P4HA3: variants seen among roughly 807,000 people sequenced by gnomAD.
P4HA3 encodes prolyl 4-hydroxylase subunit alpha 3.
A neutral mutation model predicts 66.7 loss-of-function variants in P4HA3; 60 were observed. The observed-to-expected ratio is 0.90, with a 90% CI of 0.73 to 1.12. The LOEUF (loss-of-function observed/expected upper bound fraction) is 1.12, where lower values mean the gene tolerates loss of function less well. Among genes scored for constraint, P4HA3 ranks in the 50% most tolerant of loss-of-function variants. P4HA3 has a pLI of 0.00. For synonymous variants in P4HA3, 263 were observed against 274.6 expected, an observed-to-expected ratio of 0.96 and a Z score of 0.42; for missense variants, 683 against 685.8, an observed-to-expected ratio of 1.00 and a Z score of 0.05.
chr11:74,260,975 G>A (rs960258574), intron 14 of P4HA3, among the ~76,000 whole-genome samples: 1 of 152,144 alleles, frequency 6.6e-6, no homozygotes, highest in East Asian at 1.9e-4. Flanking sequence ...CATGGCCAGC[G>A]ATGCCCCCTG....
intron 9 of P4HA3, among the ~76,000 whole-genome samples, 189 bp from the exon 10 acceptor site, chr11:74,273,796 A>C (rs954943647): frequency 5.9e-5 from 9 of 151,892 alleles, no homozygotes; most frequent in African/African-American, 1.9e-4. Flanking sequence ...TTTTTTTACT[A>C]ATTTATTAGA....
At chr11:74,309,995 C>T (rs938482609) in intron 1 of P4HA3, among the ~76,000 whole-genome samples, 1 of 152,226 alleles carries the variant, frequency 6.6e-6, no homozygotes, top group African/African-American at 2.4e-5. Flanking sequence ...CCCCATTCCA[C>T]ATACCTTCTT....
chr11:74,257,802 A>G (rs1305437456), intron 15 of P4HA3, among the ~76,000 whole-genome samples: 1 of 152,136 alleles, frequency 6.6e-6, no homozygotes, highest in Non-Finnish European at 1.5e-5. Flanking sequence ...GGGCAAGGAA[A>G]AGACACAGGT....
chr11:74,257,273 T>C (rs530852144), intron 15 of P4HA3, among the ~76,000 whole-genome samples: 1 of 152,278 alleles, frequency 6.6e-6, no homozygotes, highest in South Asian at 2.1e-4. Flanking sequence ...TTCAGGTGCC[T>C]GCCACCACGC....
Position 74,267,034 on chromosome 11 carries a change from T to C in P4HA3, c.*214A>G, listed in dbSNP as rs1377416036. The C allele has an allele frequency of 9.1e-6, 14 of 1,533,796 alleles. No homozygotes were observed. Among genetic ancestry groups the C allele is most frequent in the Middle Eastern group, 3.3e-4 (2 of 6,004 alleles). On this transcript the variant is annotated 3_prime_UTR_variant, in exon 13 of 13. Coordinates refer to ENST00000331597, the MANE Select transcript of P4HA3 (RefSeq NM_182904.5). ...CCCCCCTCCTTTGTACTGTGCATCCTACTCTGACTTCCGTGGCTGGGGCAG... is the reference window on the plus strand; with the variant it reads ...CCCCCCTCCTTTGTACTGTGCATCCCACTCTGACTTCCGTGGCTGGGGCAG...
chr11:74,296,934 CTT>C (rs540922878), intron 4 of P4HA3, among the ~76,000 whole-genome samples: 15 of 123,894 alleles, frequency 1.2e-4, no homozygotes, highest in Non-Finnish European at 1.3e-4. Flanking sequence ...TTCTTTTTTT[CTT>C]TTTTTTTTTT....
In P4HA3 at chr11:74,257,578, G is replaced by C. The variant is rs1859849494; in HGVS notation, c.*1318+2345C>G. Among the ~76,000 whole-genome samples, 6 of 152,124 alleles carry C rather than the reference G, an allele frequency of 3.9e-5. No individual in the cohort carries two copies. In the South Asian group the frequency reaches 1.0e-3, roughly 26 times the overall value. ...GTGGCTGGAGTATGGGCCGAGATAG[G>C]AGAAGAGCCAGGAGAGAAGGTGGGA... On this transcript the variant is annotated intron_variant and NMD_transcript_variant, in intron 15 of 15. Coordinates refer to the P4HA3 transcript ENST00000524388.
In P4HA3 at chr11:74,286,253, C is replaced by A; in HGVS notation, c.908G>T (p.Gly303Val). The change falls in exon 6 of 13, where the codon GGG (glycine) becomes GTG (valine). Residue 303 changes from glycine (G) to valine (V), a missense_variant. Coordinates refer to ENST00000331597, the MANE Select transcript of P4HA3 (RefSeq NM_182904.5). ...PHLQTRDTYE[G>V]LCQTLGSQPT... ...CTGGGAACCCAGGGTCTGACATAGC[C>A]CCTCGTAGGTGTCTCTGGTCTGCAG... 2 of 1,612,858 alleles carry A rather than the reference C, an allele frequency of 1.2e-6. No homozygotes were observed. The highest frequency in any genetic ancestry group is 1.7e-6 in the Non-Finnish European group (2 of 1,179,704).
chr11:74,302,210 C>G (rs751710946), intron 3 of P4HA3, among the ~76,000 whole-genome samples, 159 bp downstream of exon 3: 1 of 152,174 alleles, frequency 6.6e-6, no homozygotes, highest in African/African-American at 2.4e-5. Flanking sequence ...AAGTTATTTA[C>G]CCTCTCTGAA....
intron 11 of P4HA3, 55 bp downstream of exon 11, chr11:74,269,597 A>G: frequency 1.3e-6 from 2 of 1,550,268 alleles, no homozygotes; most frequent in Non-Finnish European, 1.8e-6. Context: ...TGAAGGTTAG[A>G]GGGTAAGCGC....
chr11:74,271,295 AATTAG>A (rs1860187462), intron 10 of P4HA3, among the ~76,000 whole-genome samples: 1 of 152,182 alleles, frequency 6.6e-6, no homozygotes, highest in Admixed American at 6.5e-5. Flanking sequence ...TCAGGTAACA[AATTAG>A]ATTATTCTAT....
chr11:74,298,136 A>C (rs1304861487), intron 4 of P4HA3, 76 bp downstream of exon 4: 1 of 1,514,762 alleles, frequency 6.6e-7, no homozygotes, highest in Non-Finnish European at 8.9e-7. Context: ...ACATGAAAAT[A>C]CTTAGAAATT....
chr11:74,277,647 A>G (rs933997683), intron 8 of P4HA3, among the ~76,000 whole-genome samples: 2 of 152,268 alleles, frequency 1.3e-5, no homozygotes, highest in Non-Finnish European at 2.9e-5. Context: ...CACTTTGTGA[A>G]CTATACATTA....
rs368276612 is a variant in P4HA3, at chr11:74,250,922, G to A, written c.*1319-2921C>T. 225 of 1,554,614 alleles carry A rather than the reference G, an allele frequency of 1.4e-4. 1 individual carries two copies. The Middle Eastern group carries it at 7.4e-3, about 51-fold the overall frequency. ...TGCATAAGAGAGGGCTCTTTTAGTC[G>A]CTGAAGTTGCCTTGCTTTGATTCCT... On this transcript the variant is annotated intron_variant and NMD_transcript_variant, in intron 15 of 15. Transcript: ENST00000524388.
intron 2 of P4HA3, among the ~76,000 whole-genome samples, chr11:74,303,182 T>C (rs1315964147): frequency 6.6e-6 from 1 of 152,014 alleles, no homozygotes; most frequent in Non-Finnish European, 1.5e-5. Flanking sequence ...CTCAAACTTC[T>C]GGCCTCAAGT....
chr11:74,290,921 G>A (rs1462196190), intron 4 of P4HA3, among the ~76,000 whole-genome samples: 18 of 152,196 alleles, frequency 1.2e-4, no homozygotes, highest in South Asian at 4.1e-4. Context: ...TTGACTTGGC[G>A]ATGCGGGCTC....
intron 7 of P4HA3, among the ~76,000 whole-genome samples, chr11:74,282,104 G>T (rs1431115678): frequency 6.8e-6 from 1 of 146,472 alleles, no homozygotes; most frequent in Non-Finnish European, 1.5e-5. Flanking sequence ...GCTCCCTTCT[G>T]TTCTTTTAGG....
Position 74,279,408 on chromosome 11 carries a change from C to T in P4HA3, c.1155G>A (p.Val385=), listed in dbSNP as rs1860514466. ...VVASGEKQLQ[V]EYRISKSAWL... is the part of the protein sequence containing the mutation. Reference sequence around the variant, plus strand: ...CTTACCTTTTGCTGATGCGGTACTCCACTTGTAACTGCTTCTCCCCTGATG... The same window carrying T: ...CTTACCTTTTGCTGATGCGGTACTCTACTTGTAACTGCTTCTCCCCTGATG... The change falls in exon 8 of 13, where the codon GTG becomes GTA. Residue 385 remains valine, a synonymous_variant. Transcript: ENST00000331597. 1 of 1,613,774 alleles carries T rather than the reference C, an allele frequency of 6.2e-7. No homozygotes were observed. Among genetic ancestry groups the T allele is most frequent in the Admixed American group, 1.7e-5 (1 of 59,982 alleles).
chr11:74,287,051 TCTAGA>T (rs1860825069), intron 5 of P4HA3: 1 of 1,122,964 alleles, frequency 8.9e-7, no homozygotes, highest in African/African-American at 1.6e-5. Context: ...AGACTTTGGC[TCTAGA>T]CTGGATTCCC....
Sources: gnomAD v4.1 joint callset for allele counts (sites outside exome capture counted in the v4.1 genomes callset) on GRCh38, gnomAD v4.1.1 for gene constraint, MANE v1.5 for transcripts, NCBI Gene and HGNC (gene_info 2026-07-23, HGNC 2026-07-21) for gene names.